Variants in MYMK observed in about 807,000 individuals in gnomAD.
The protein encoded by MYMK is myomaker, myoblast fusion factor, also known as protein myomaker.
In MYMK, 16 loss-of-function variants were observed where a neutral mutation model predicts 22.4. The ratio of observed to expected loss-of-function variants is 0.72; its 90% CI spans 0.48 to 1.09. MYMK has a LOEUF of 1.09. Among genes scored for constraint, MYMK ranks in the 50% least tolerant of loss-of-function variants. The pLI, the probability that MYMK is intolerant of heterozygous loss-of-function variation, is 0.00. For synonymous variants in MYMK, 125 were observed against 127.0 expected (o/e 0.98, Z 0.11); for missense variants, 250 against 295.6 (o/e 0.85, Z 1.13).
At chr9:133,519,147 G>T in intron 2 of MYMK, 125 bp from the exon 3 acceptor site, 1 of 1,220,866 alleles carries the variant, frequency 8.2e-7, no homozygotes, top group Non-Finnish European at 1.1e-6. Flanking sequence ...CCCTCAGCCA[G>T]CGAGACCCTG....
At chr9:133,519,498 T>G (rs1844672323) in intron 2 of MYMK, among the ~76,000 whole-genome samples, 1 of 152,142 alleles carries the variant, frequency 6.6e-6, no homozygotes. Flanking sequence ...AGTTCGAGGC[T>G]GCAGTGAGCC....
At chr9:133,519,049 G>T in intron 2 of MYMK, 27 bp from the exon 3 acceptor site, 1 of 1,612,800 alleles carries the variant, frequency 6.2e-7, no homozygotes, top group Non-Finnish European at 8.5e-7. Flanking sequence ...GACACAGGGG[G>T]AGGTGAGTGG....
chr9:133,523,147 C>T (rs534357177), intron 1 of MYMK, among the ~76,000 whole-genome samples: 57 of 152,352 alleles, frequency 3.7e-4, no homozygotes, highest in Non-Finnish European at 3.1e-4. Context: ...CCAGCCCACA[C>T]GTGCACACTC....
chr9:133,517,917 C>G (rs539374464), intron 3 of MYMK, among the ~76,000 whole-genome samples: 1 of 152,354 alleles, frequency 6.6e-6, no homozygotes, highest in South Asian at 2.1e-4. Flanking sequence ...TCCTGCGGCT[C>G]TGGCCGGGGC....
intron 3 of MYMK, among the ~76,000 whole-genome samples, chr9:133,517,590 C>T (rs1347908608): frequency 2.0e-5 from 3 of 151,024 alleles, no homozygotes; most frequent in Non-Finnish European, 2.9e-5. Flanking sequence ...CGCTTCAACC[C>T]GGGAGGCGGA....
In MYMK at chr9:133,520,207, C is replaced by A. The variant is rs747851880; in HGVS notation, c.217G>T (p.Gly73Trp). The change falls in exon 2 of 5, where the codon GGG becomes TGG. Residue 73 changes from glycine to tryptophan, a missense_variant. Physicochemically the swap from Gly to Trp is radical, Grantham distance 184 (BLOSUM62 -2). Transcript: ENST00000339996. ...GAGACCCACATGCTCAGGGCTGTCC[C>A]GTAGACACTGAAATACTCCAGGATG... ...HDILEYFSVYGTALSMWVSLM... is the reference protein window; with the variant it reads ...HDILEYFSVYWTALSMWVSLM... The A allele has an allele frequency of 6.2e-7, 1 of 1,614,060 alleles. No individual in the cohort carries two copies. The highest frequency in any genetic ancestry group is 1.1e-5 in the South Asian group (1 of 91,070).
Position 133,515,691 on chromosome 9 carries a change from C to T in MYMK, c.400-84G>A, listed in dbSNP as rs1317452758. On this transcript the variant is annotated intron_variant, in intron 3 of 4. Coordinates refer to ENST00000339996, the MANE Select transcript of MYMK (RefSeq NM_001080483.3). This position sits in a 1 kb window ranked among gnomAD's most constrained non-coding sequence, Gnocchi z 5.8. ...CCCCAAACCAGCCCGAGAGCTGGCC[C>T]TGCACAGGCTCACCCCAGCCCTCTC... 5.7e-6 allele frequency: 5 copies of T among 875,596 alleles called. No individual in the cohort carries two copies. Among genetic ancestry groups the T allele is most frequent in the Non-Finnish European group, 9.5e-6 (5 of 526,846 alleles). 54.2% of individuals were successfully genotyped at this position (875,596 alleles called of 1,614,324 possible). A position where few individuals can be genotyped will look rare whatever the true frequency, so the allele number is the denominator to read the frequency against.
intron 1 of MYMK, 32 bp downstream of exon 1, chr9:133,524,678 G>T (rs553255882): frequency 9.9e-6 from 16 of 1,613,910 alleles, no homozygotes; most frequent in Non-Finnish European, 1.3e-5. Context: ...GATGGGGCCT[G>T]TGTGGGACTT....
intron 1 of MYMK, among the ~76,000 whole-genome samples, chr9:133,522,343 C>CAGTG (rs535856761): frequency 2.1e-5 from 3 of 140,086 alleles, no homozygotes; most frequent in Non-Finnish European, 3.1e-5. Context: ...GAGTGGCTGT[C>CAGTG]GGGGGGGGGC....
Position 133,515,434 on chromosome 9 carries a change from C to T in MYMK, c.516+57G>A, listed in dbSNP as rs1844619452. ...GCACAGCCCTGGTATCCCAGCTGAGCAGAGCCATGCCGAGTGGGCTCTGGG... is the reference window on the plus strand; with the variant it reads ...GCACAGCCCTGGTATCCCAGCTGAGTAGAGCCATGCCGAGTGGGCTCTGGG... On this transcript the variant is annotated intron_variant, in intron 4 of 4. Coordinates refer to ENST00000339996, the MANE Select transcript of MYMK (RefSeq NM_001080483.3). This position sits in a 1 kb window ranked among gnomAD's most constrained non-coding sequence, Gnocchi z 5.8. 3 of 1,231,338 alleles carry T rather than the reference C, an allele frequency of 2.4e-6. No individual in the cohort carries two copies. Among genetic ancestry groups the T allele is most frequent in the Non-Finnish European group, 3.6e-6 (3 of 840,214 alleles). 76.3% of individuals were successfully genotyped at this position (1,231,338 alleles called of 1,614,324 possible).
rs746226826 is a variant in MYMK, at chr9:133,524,729, A to G, written c.116T>C (p.Phe39Ser). 20 of 1,614,190 alleles carry G rather than the reference A, an allele frequency of 1.2e-5. No homozygotes were observed. In the South Asian group the frequency reaches 2.2e-4, roughly 18 times the overall value. ...RFHMEAMVYLFTLFFVALHHA... is the reference protein window; with the variant it reads ...RFHMEAMVYLSTLFFVALHHA... ...ACTCACCGCCACGAAGAACAGGGTGAAGAGGTAGACCATGGCCTCCATGTG... is the reference window on the plus strand; with the variant it reads ...ACTCACCGCCACGAAGAACAGGGTGGAGAGGTAGACCATGGCCTCCATGTG... Residue 39 changes from phenylalanine (F) to serine (S), a missense_variant, in exon 1 of 5, where the codon TTC becomes TCC. Coordinates refer to ENST00000339996, the MANE Select transcript of MYMK (RefSeq NM_001080483.3).
intron 1 of MYMK, among the ~76,000 whole-genome samples, chr9:133,522,492 G>A (rs565843713): frequency 6.6e-6 from 1 of 152,370 alleles, no homozygotes; most frequent in South Asian, 2.1e-4. Flanking sequence ...GCAGAACTTT[G>A]GGAGGGACTG....
intron 1 of MYMK, among the ~76,000 whole-genome samples, chr9:133,522,189 G>A (rs1844710313): frequency 6.6e-6 from 1 of 152,252 alleles, no homozygotes; most frequent in Admixed American, 6.5e-5. Context: ...TTGGCACCTG[G>A]CCACTTCCTC....
rs1474625912 is a variant in MYMK at position 133,515,994 on chromosome 9, C to G, written c.400-387G>C. Reference sequence around the variant, plus strand: ...AGGAAAGTACTGGAGTACTTGGGACCTGCCAGCCCAGTGTGGCCCATGGGG... The same window carrying G: ...AGGAAAGTACTGGAGTACTTGGGACGTGCCAGCCCAGTGTGGCCCATGGGG... On this transcript the variant is annotated intron_variant, in intron 3 of 4. Coordinates refer to ENST00000339996, the MANE Select transcript of MYMK (RefSeq NM_001080483.3). The surrounding 1 kb of genome is among the most constrained non-coding windows in gnomAD (Gnocchi z 5.8). 6.6e-6 allele frequency among the ~76,000 whole-genome samples: 1 copy of G among 152,224 alleles called. No homozygotes were observed. Among genetic ancestry groups the G allele is most frequent in the Non-Finnish European group, 1.5e-5 (1 of 68,036 alleles).
chr9:133,519,817 T>C (rs1282881629), intron 2 of MYMK, among the ~76,000 whole-genome samples: 1 of 152,120 alleles, frequency 6.6e-6, no homozygotes, highest in Non-Finnish European at 1.5e-5. Context: ...TATGACAGTC[T>C]GGGAAGCCAA....
intron 1 of MYMK, among the ~76,000 whole-genome samples, chr9:133,524,236 C>G (rs1844735297): frequency 6.6e-6 from 1 of 152,098 alleles, no homozygotes; most frequent in African/African-American, 2.4e-5. Flanking sequence ...ATTCTGGAAT[C>G]AGACTCACTC....
At chr9:133,523,972 C>T (rs775599311) in intron 1 of MYMK, among the ~76,000 whole-genome samples, 29 of 151,942 alleles carry the variant, frequency 1.9e-4, no homozygotes, top group Non-Finnish European at 3.4e-4. Flanking sequence ...ACAGGGGAGA[C>T]AGGGGTCCCA....
chr9:133,514,772 G>T lies in MYMK; in HGVS notation c.530C>A (p.Thr177Asn). 12 of 1,613,920 alleles carry T rather than the reference G, an allele frequency of 7.4e-6. No homozygotes were observed. Among genetic ancestry groups the T allele is most frequent in the Non-Finnish European group, 1.0e-5 (12 of 1,179,828 alleles). Residue 177 changes from threonine to asparagine, a missense_variant, in exon 5 of 5, where the codon ACT (threonine) becomes AAT (asparagine). Thr to Asn is a moderately conservative substitution (Grantham distance 65). Transcript: ENST00000339996. ...LRFFFEDWDY[T>N]YVHSFYHCAL... ...ACAGTGGTAGAAGCTGTGGACATAA[G>T]TGTAGTCCCAGTCCTGCGGGGGGCA...
intron 1 of MYMK, among the ~76,000 whole-genome samples, chr9:133,521,318 C>T (rs568664944): frequency 1.3e-4 from 20 of 152,280 alleles, no homozygotes; most frequent in East Asian, 3.9e-4. Context: ...GGAAACAGCA[C>T]GGTGGACTCT....
Sources: gnomAD v4.1 joint callset for allele counts (sites outside exome capture counted in the v4.1 genomes callset) on GRCh38, gnomAD v4.1.1 for gene constraint, Gnocchi (gnomAD v3.1) non-coding constraint, MANE v1.5 for transcripts, NCBI Gene and HGNC (gene_info 2026-07-23, HGNC 2026-07-21) for gene names.